The following NTM variants were observed in gnomAD, a reference collection of about 807,000 sequenced individuals.
The protein encoded by NTM is IgLON family member 2.
In NTM, 13 loss-of-function variants were observed where a neutral mutation model predicts 42.1. The ratio of observed to expected loss-of-function variants is 0.31; its 90% CI spans 0.20 to 0.49. NTM has a LOEUF of 0.49. Ranked by LOEUF, NTM falls within the 20% of genes least tolerant of loss-of-function variation. NTM has a pLI of 0.99. For missense variants in NTM, 373 were observed against 452.8 expected, an observed-to-expected ratio of 0.82 and a Z score of 1.60; for synonymous variants, 187 against 179.2, an observed-to-expected ratio of 1.04 and a Z score of -0.35.
intron 2 of NTM, among the ~76,000 whole-genome samples, chr11:131,993,377 G>A (rs1420811025): frequency 6.6e-6 from 1 of 152,106 alleles, no homozygotes; most frequent in Admixed American, 6.5e-5. Context: ...TCTAGAACAA[G>A]TCCCATGTTT....
Position 131,641,171 on chromosome 11 carries a change from A to G in NTM, c.82+270283A>G, listed in dbSNP as rs2065083355. ...TTACCCAGGTCAATGTGATAATGAC[A>G]ACGATCATGTTTTCCTTGTTCACTA... is the stretch of plus-strand genomic sequence containing the variant. On this transcript the variant is annotated intron_variant, in intron 1 of 8. Coordinates refer to ENST00000683400, the MANE Select transcript of NTM (RefSeq NM_001352005.2). Among the ~76,000 whole-genome samples the G allele has an allele frequency of 4.6e-5, 7 of 152,330 alleles. No homozygotes were observed. The South Asian group carries it at 1.4e-3, about 32-fold the overall frequency.
intron 1 of NTM, among the ~76,000 whole-genome samples, chr11:131,403,893 T>C (rs1945518225): frequency 6.6e-6 from 1 of 152,178 alleles, no homozygotes; most frequent in African/African-American, 2.4e-5. Context: ...ATTTTAGAGT[T>C]CAACATCTCA....
chr11:132,068,393 T>C (rs2056844770), intron 2 of NTM, among the ~76,000 whole-genome samples: 1 of 151,964 alleles, frequency 6.6e-6, no homozygotes, highest in Non-Finnish European at 1.5e-5. Flanking sequence ...TTACACTAAC[T>C]GTAAAACAAT....
intron 1 of NTM, among the ~76,000 whole-genome samples, chr11:131,752,499 G>C (rs941990284): frequency 3.3e-5 from 5 of 152,184 alleles, no homozygotes; most frequent in African/African-American, 1.2e-4. Context: ...CAGGGATCTA[G>C]AGCTAGAAAT....
At chr11:131,897,084 T>A (rs1294020845) in intron 1 of NTM, 1 of 152,230 alleles carries the variant, frequency 6.6e-6, no homozygotes, top group Non-Finnish European at 1.5e-5. Flanking sequence ...GCTGCGTCTC[T>A]AACCTCTGCG....
At chr11:131,816,184 T>C (rs1443587779) in intron 1 of NTM, among the ~76,000 whole-genome samples, 4 of 152,166 alleles carry the variant, frequency 2.6e-5, no homozygotes, top group Non-Finnish European at 5.9e-5. Flanking sequence ...TTGTTCTGGA[T>C]CACACCAAGT....
At chr11:131,782,384 C>G (rs1282050099) in intron 1 of NTM, among the ~76,000 whole-genome samples, 1 of 151,734 alleles carries the variant, frequency 6.6e-6, no homozygotes, top group African/African-American at 2.4e-5. Flanking sequence ...AAAAACAACT[C>G]TAGGTCTGCA....
intron 1 of NTM, chr11:131,660,893 G>A: frequency 1.6e-6 from 2 of 1,281,822 alleles, no homozygotes; most frequent in Non-Finnish European, 2.0e-6. Flanking sequence ...TGTGTGTAAT[G>A]TGATGCATGG....
At chr11:132,327,550 C>A (rs2095709530) in intron 7 of NTM, among the ~76,000 whole-genome samples, 2 of 152,142 alleles carry the variant, frequency 1.3e-5, no homozygotes. Context: ...ATTCCCTCAC[C>A]CTCTTGCTAG....
intron 2 of NTM, among the ~76,000 whole-genome samples, chr11:131,911,925 C>T (rs966334011): frequency 9.2e-5 from 14 of 152,038 alleles, no homozygotes; most frequent in African/African-American, 3.4e-4. Flanking sequence ...AGGTGGTCGC[C>T]GAGATTGAGG....
intron 4 of NTM, among the ~76,000 whole-genome samples, chr11:132,239,115 C>T (rs191235642): frequency 6.6e-6 from 1 of 152,312 alleles, no homozygotes; most frequent in East Asian, 1.9e-4. Flanking sequence ...ACCAGAGACA[C>T]TGCCGTAAGT....
chr11:132,159,278 C>T (rs1440222233), intron 3 of NTM, among the ~76,000 whole-genome samples: 1 of 152,192 alleles, frequency 6.6e-6, no homozygotes, highest in Non-Finnish European at 1.5e-5. Context: ...GTCCCGTGGC[C>T]ACATGGTTCC....
chr11:132,273,309 G>GTTTTT (rs57877862), intron 4 of NTM, among the ~76,000 whole-genome samples: 1 of 55,656 alleles, frequency 1.8e-5, no homozygotes, highest in Non-Finnish European at 2.9e-5. Flanking sequence ...GTTGACTAGT[G>GTTTTT]TTTTTTTTTT....
chr11:131,703,170 C>T (rs1019903561), intron 1 of NTM, among the ~76,000 whole-genome samples: 1 of 152,180 alleles, frequency 6.6e-6, no homozygotes, highest in South Asian at 2.1e-4. Flanking sequence ...GCTGAGTATA[C>T]TTCATAATTA....
intron 4 of NTM, among the ~76,000 whole-genome samples, chr11:132,298,958 ATATT>A (rs1193582403): frequency 1.3e-5 from 2 of 152,194 alleles, no homozygotes; most frequent in Non-Finnish European, 2.9e-5. Flanking sequence ...TATTGAATCT[ATATT>A]TATTGCTTTA....
intron 1 of NTM, among the ~76,000 whole-genome samples, chr11:131,742,067 T>C (rs2081271113): frequency 6.6e-6 from 1 of 152,050 alleles, no homozygotes; most frequent in African/African-American, 2.4e-5. Flanking sequence ...CACTGGGGCC[T>C]ATTGGAGGGT....
Position 131,973,988 on chromosome 11 carries a change from C to T in NTM, c.167+62340C>T, listed in dbSNP as rs114207032. Among the ~76,000 whole-genome samples, 224 of 152,230 alleles carry T rather than the reference C, an allele frequency of 1.5e-3. 3 individuals carry two copies. The highest frequency in any genetic ancestry group is 5.0e-3 in the African/African-American group (209 of 41,550). ...CTACTCCAGCTGGAGATGGTGAGGA[C>T]GAAGACCTTTCAGATGATTCACTTC... On this transcript the variant is annotated intron_variant, in intron 2 of 8. Transcript: ENST00000683400.
At chr11:131,648,509 T>A (rs1473012758) in intron 1 of NTM, among the ~76,000 whole-genome samples, 1 of 152,196 alleles carries the variant, frequency 6.6e-6, no homozygotes, top group East Asian at 1.9e-4. Flanking sequence ...CACCAGCATT[T>A]ATTTTTTGAA....
chr11:132,140,579 A>G (rs12797989), intron 2 of NTM, among the ~76,000 whole-genome samples: 37,721 of 152,194 alleles, frequency 0.25, 6,106 homozygotes, highest in Non-Finnish European at 0.35. Flanking sequence ...AAAGAAATCC[A>G]GTAGGGTCAA....
Sources: allele counts gnomAD v4.1 joint callset (sites outside exome capture counted in the v4.1 genomes callset), GRCh38; gene constraint gnomAD v4.1.1; transcripts MANE v1.5; gene names NCBI Gene and HGNC (gene_info 2026-07-23, HGNC 2026-07-21).